The following BRINP3 variants were observed in gnomAD, a reference collection of about 807,000 sequenced individuals.
BRINP3 encodes the protein BMP/retinoic acid inducible neural specific 3.
In BRINP3, 19 loss-of-function variants were observed where a neutral mutation model predicts 71.0. The observed-to-expected ratio is 0.27, with a 90% CI of 0.19 to 0.39. The LOEUF (loss-of-function observed/expected upper bound fraction) is 0.39. Ranked by LOEUF, BRINP3 falls within the 10% of genes least tolerant of loss-of-function variation. BRINP3 has a pLI of 1.00. For synonymous variants in BRINP3, 380 were observed against 337.7 expected (o/e 1.13, Z -1.37); for missense variants, 959 against 940.8 (o/e 1.02, Z -0.25).
chr1:190,138,111 C>G (rs192281360), intron 7 of BRINP3, among the ~76,000 whole-genome samples: 7 of 152,102 alleles, frequency 4.6e-5, no homozygotes, highest in African/African-American at 1.7e-4. Context: ...TGTACCAGCA[C>G]GCCTGGCTAA....
chr1:190,333,601 C>T (rs1013380349), intron 2 of BRINP3, among the ~76,000 whole-genome samples: 1 of 151,794 alleles, frequency 6.6e-6, no homozygotes, highest in Non-Finnish European at 1.5e-5. Context: ...CTTGTAAAGA[C>T]AAAATTTTAA....
chr1:190,107,940 T>A (rs1652327370), intron 7 of BRINP3, among the ~76,000 whole-genome samples: 1 of 152,054 alleles, frequency 6.6e-6, no homozygotes, highest in East Asian at 1.9e-4. Context: ...TGCTATGTCA[T>A]CAAATAACAA....
intron 2 of BRINP3, among the ~76,000 whole-genome samples, chr1:190,370,554 G>T (rs1231545460): frequency 2.0e-5 from 3 of 152,142 alleles, no homozygotes; most frequent in Non-Finnish European, 4.4e-5. Flanking sequence ...CTCTACATTT[G>T]AATCTTTATA....
intron 7 of BRINP3, among the ~76,000 whole-genome samples, chr1:190,120,418 A>AT (rs1276239980): frequency 6.6e-6 from 1 of 152,196 alleles, no homozygotes; most frequent in Non-Finnish European, 1.5e-5. Flanking sequence ...ATATTGTCAT[A>AT]TAACTACTGT....
intron 4 of BRINP3, among the ~76,000 whole-genome samples, chr1:190,246,946 A>G (rs1558105185): frequency 6.6e-6 from 1 of 152,044 alleles, no homozygotes. Context: ...ATCTAAAAGA[A>G]TGAAAATTAT....
chr1:190,406,105 A>G (rs1170083145), intron 2 of BRINP3, among the ~76,000 whole-genome samples: 1 of 152,218 alleles, frequency 6.6e-6, no homozygotes, highest in African/African-American at 2.4e-5. Context: ...CCGGTTTGGT[A>G]AAGTATGATC....
intron 2 of BRINP3, among the ~76,000 whole-genome samples, chr1:190,363,679 G>C (rs1021278462): frequency 6.6e-6 from 1 of 152,280 alleles, no homozygotes; most frequent in South Asian, 2.1e-4. Flanking sequence ...GATCATGTAA[G>C]AGGCTACTGG....
chr1:190,459,054 T>TA (rs1676203944), intron 1 of BRINP3, among the ~76,000 whole-genome samples: 1 of 147,314 alleles, frequency 6.8e-6, no homozygotes, highest in South Asian at 2.1e-4. Context: ...GTTTTTTTCA[T>TA]AAAAAATAAG....
At chr1:190,470,005 C>T (rs1030562834) in intron 1 of BRINP3, among the ~76,000 whole-genome samples, 1 of 150,940 alleles carries the variant, frequency 6.6e-6, no homozygotes, top group Non-Finnish European at 1.5e-5. Flanking sequence ...TTATTAGTGA[C>T]AGTGAGAATT....
rs768242491 is a variant in BRINP3 at position 190,373,422 on chromosome 1, T to TTA, written c.236+81231_236+81232dup. Among the ~76,000 whole-genome samples the TTA allele has an allele frequency of 3.3e-3, 439 of 133,890 alleles. 2 individuals carry two copies. Among genetic ancestry groups the TTA allele is most frequent in the African/African-American group, 0.011 (400 of 36,068 alleles). 87.8% of individuals were successfully genotyped at this position (133,890 alleles called of 152,430 possible). On this transcript the variant is annotated intron_variant, in intron 2 of 7. Coordinates refer to ENST00000367462, the MANE Select transcript of BRINP3 (RefSeq NM_199051.3). The stretch of plus-strand genomic sequence containing the variant: ...TAAAATAAAGTAGATAATTCCTTAA[T>TTA]TATATATATATATGTGTGTGTGTGT...
intron 7 of BRINP3, among the ~76,000 whole-genome samples, chr1:190,146,636 A>G (rs1422152946): frequency 6.6e-6 from 1 of 152,140 alleles, no homozygotes; most frequent in Non-Finnish European, 1.5e-5. Context: ...ATAGGTAGGA[A>G]ACTGAAGTCA....
chr1:190,471,567 C>CA (rs2102710555), intron 1 of BRINP3, among the ~76,000 whole-genome samples: 1 of 151,274 alleles, frequency 6.6e-6, no homozygotes, highest in South Asian at 2.1e-4. Context: ...ATTAAAACAC[C>CA]AAAAATGCCG....
chr1:190,373,981 T>C (rs887499525), intron 2 of BRINP3, among the ~76,000 whole-genome samples: 2 of 151,300 alleles, frequency 1.3e-5, no homozygotes, highest in African/African-American at 4.8e-5. Flanking sequence ...CTGGAGCCAA[T>C]TGCACAGGGT....
intron 2 of BRINP3, among the ~76,000 whole-genome samples, chr1:190,298,544 T>C (rs958534367): frequency 3.4e-4 from 52 of 152,124 alleles, no homozygotes; most frequent in African/African-American, 1.2e-3. Flanking sequence ...TACTCATTTC[T>C]GGGTTTTTTA....
intron 7 of BRINP3, among the ~76,000 whole-genome samples, chr1:190,125,737 C>G (rs559178782): frequency 1.3e-5 from 2 of 151,968 alleles, no homozygotes; most frequent in African/African-American, 4.8e-5. Context: ...GATAGCCAGT[C>G]AGTCAAAGGC....
intron 2 of BRINP3, among the ~76,000 whole-genome samples, chr1:190,299,709 T>G (rs900256943): frequency 3.3e-5 from 5 of 151,576 alleles, no homozygotes; most frequent in Non-Finnish European, 7.4e-5. Context: ...TTTCCATGTT[T>G]AGCGCTTCCT....
chr1:190,309,199 A>C (rs1455073270), intron 2 of BRINP3, among the ~76,000 whole-genome samples: 2 of 149,626 alleles, frequency 1.3e-5, no homozygotes, highest in South Asian at 2.1e-4. Context: ...TAAAAAAAAA[A>C]CTGCTAAAAA....
rs1190785225 is a variant in BRINP3, at chr1:190,453,203, A to ATTTTTTTTTTTTTTTTTTTTTT, written c.236+1430_236+1451dup. 1.7e-3 allele frequency among the ~76,000 whole-genome samples: 69 copies of ATTTTTTTTTTTTTTTTTTTTTT among 40,910 alleles called. 27 individuals are homozygous for ATTTTTTTTTTTTTTTTTTTTTT. The highest frequency in any genetic ancestry group is 2.2e-3 in the Admixed American group (5 of 2,274). 26.8% of individuals were successfully genotyped at this position (40,910 alleles called of 152,430 possible). ...ACTTTTCAGAAAGAAAAACTTTAGT[A>ATTTTTTTTTTTTTTTTTTTTTT]TTTTTTTTTTTTTTTTTTTTTTTTT... On this transcript the variant is annotated intron_variant, in intron 2 of 7. Transcript: ENST00000367462.
chr1:190,145,642 C>A (rs1046577769), intron 7 of BRINP3, among the ~76,000 whole-genome samples: 2 of 152,060 alleles, frequency 1.3e-5, no homozygotes, highest in Non-Finnish European at 2.9e-5. Flanking sequence ...AAAAGTAGAC[C>A]TACCATTCAA....
Sources: gnomAD v4.1 joint callset for allele counts (sites outside exome capture counted in the v4.1 genomes callset) on GRCh38, gnomAD v4.1.1 for gene constraint, MANE v1.5 for transcripts, NCBI Gene and HGNC (gene_info 2026-07-23, HGNC 2026-07-21) for gene names.